The following PLXDC2 variants were observed in gnomAD, a reference collection of about 807,000 sequenced individuals.
PLXDC2 encodes the protein plexin domain containing 2.
PLXDC2 carries 40 observed loss-of-function variants against 68.9 expected under a neutral mutation model. That is an observed-to-expected ratio of 0.58 (90% CI 0.45 to 0.76). PLXDC2 has a LOEUF of 0.76. Ranked by LOEUF, PLXDC2 falls within the 30% of genes least tolerant of loss-of-function variation. PLXDC2 has a pLI of 0.00. For synonymous variants in PLXDC2, 243 were observed against 234.2 expected, an observed-to-expected ratio of 1.04 and a Z score of -0.34; for missense variants, 644 against 661.9, an observed-to-expected ratio of 0.97 and a Z score of 0.30.
intron 3 of PLXDC2, among the ~76,000 whole-genome samples, chr10:20,051,805 T>C (rs1835906664): frequency 6.6e-6 from 1 of 151,994 alleles, no homozygotes; most frequent in African/African-American, 2.4e-5. Context: ...ATGCTTGGAC[T>C]CTATAGCAGG....
intron 2 of PLXDC2, among the ~76,000 whole-genome samples, chr10:20,006,152 C>G (rs1835025456): frequency 6.6e-6 from 1 of 151,886 alleles, no homozygotes; most frequent in Non-Finnish European, 1.5e-5. Flanking sequence ...GTACTCCAAC[C>G]TGGGCAACAG....
intron 5 of PLXDC2, among the ~76,000 whole-genome samples, chr10:20,144,838 C>G (rs1834052184): frequency 6.6e-6 from 1 of 152,118 alleles, no homozygotes; most frequent in South Asian, 2.1e-4. Flanking sequence ...ATTCTAATGA[C>G]CAAGTTTTTA....
At chr10:20,199,881 G>C (rs1347101145) in intron 9 of PLXDC2, among the ~76,000 whole-genome samples, 1 of 151,862 alleles carries the variant, frequency 6.6e-6, no homozygotes, top group African/African-American at 2.4e-5. Flanking sequence ...GAGAATGTTA[G>C]TCATCTATTT....
chr10:19,988,027 C>G (rs908524617), intron 1 of PLXDC2, among the ~76,000 whole-genome samples: 1 of 152,140 alleles, frequency 6.6e-6, no homozygotes, highest in African/African-American at 2.4e-5. Flanking sequence ...AATAATTACA[C>G]TTTTTCTTCT....
chr10:20,141,433 C>G (rs577643323), intron 4 of PLXDC2, among the ~76,000 whole-genome samples: 1 of 152,130 alleles, frequency 6.6e-6, no homozygotes, highest in South Asian at 2.1e-4. Flanking sequence ...AATTATCTTC[C>G]TTCCTTGAAT....
intron 1 of PLXDC2, among the ~76,000 whole-genome samples, chr10:19,938,149 T>C (rs1443128488): frequency 6.6e-6 from 1 of 152,156 alleles, no homozygotes; most frequent in Non-Finnish European, 1.5e-5. Context: ...TATCTTACCT[T>C]GGCATAATTT....
intron 4 of PLXDC2, among the ~76,000 whole-genome samples, chr10:20,119,140 C>T (rs1311421298): frequency 2.0e-5 from 3 of 151,908 alleles, no homozygotes; most frequent in Non-Finnish European, 2.9e-5. Context: ...AATCAAGTAA[C>T]GAACATGTAA....
At chr10:20,126,169 A>T (rs1833772658) in intron 4 of PLXDC2, among the ~76,000 whole-genome samples, 1 of 147,286 alleles carries the variant, frequency 6.8e-6, no homozygotes, top group African/African-American at 2.5e-5. Context: ...GTATGTATCT[A>T]TACATATATG....
At chr10:20,027,394 A>T (rs1835422837) in intron 2 of PLXDC2, among the ~76,000 whole-genome samples, 1 of 152,126 alleles carries the variant, frequency 6.6e-6, no homozygotes, top group African/African-American at 2.4e-5. Flanking sequence ...GTGAGGGTAC[A>T]GTGTTTGTTC....
chr10:19,935,308 A>G (rs1255189736), intron 1 of PLXDC2, among the ~76,000 whole-genome samples: 1 of 152,226 alleles, frequency 6.6e-6, no homozygotes, highest in East Asian at 1.9e-4. Context: ...AGGCACAGCC[A>G]GGCATTGCCC....
At chr10:19,962,996 A>G (rs1407393506) in intron 1 of PLXDC2, among the ~76,000 whole-genome samples, 1 of 150,514 alleles carries the variant, frequency 6.6e-6, no homozygotes, top group Non-Finnish European at 1.5e-5. Context: ...TCTCAAAAAA[A>G]AAAAAAAAAA....
chr10:20,104,712 C>T (rs1833467436), intron 4 of PLXDC2, among the ~76,000 whole-genome samples: 1 of 152,056 alleles, frequency 6.6e-6, no homozygotes, highest in African/African-American at 2.4e-5. Flanking sequence ...ACATTTTCAG[C>T]AGTAATCTCT....
intron 1 of PLXDC2, among the ~76,000 whole-genome samples, chr10:19,982,806 C>T (rs931457082): frequency 6.6e-6 from 1 of 151,994 alleles, no homozygotes; most frequent in Non-Finnish European, 1.5e-5. Flanking sequence ...AACTAAATAA[C>T]CTTCATTCTT....
chr10:20,205,069 A>G (rs1834973045), intron 9 of PLXDC2, among the ~76,000 whole-genome samples: 1 of 152,280 alleles, frequency 6.6e-6, no homozygotes, highest in East Asian at 1.9e-4. Flanking sequence ...CCCTTGCAAA[A>G]TAATTCCTAT....
At chr10:19,925,428 T>G (rs796743146) in intron 1 of PLXDC2, among the ~76,000 whole-genome samples, 7 of 152,354 alleles carry the variant, frequency 4.6e-5, no homozygotes, top group African/African-American at 1.7e-4. Flanking sequence ...TGGAGAGGCT[T>G]TTGATCTGCT....
intron 1 of PLXDC2, among the ~76,000 whole-genome samples, chr10:19,823,918 G>A (rs1836526585): frequency 6.6e-6 from 1 of 152,114 alleles, no homozygotes; most frequent in African/African-American, 2.4e-5. Flanking sequence ...TGAGGTGGGA[G>A]GATCACTTGA....
At chr10:20,210,839 A>G (rs1220970063) in intron 9 of PLXDC2, among the ~76,000 whole-genome samples, 1 of 152,202 alleles carries the variant, frequency 6.6e-6, no homozygotes, top group Non-Finnish European at 1.5e-5. Context: ...ATAATACACA[A>G]CAAGTACTGC....
intron 3 of PLXDC2, among the ~76,000 whole-genome samples, chr10:20,052,758 GA>G (rs1835927498): frequency 7.2e-6 from 1 of 139,250 alleles, no homozygotes; most frequent in Admixed American, 7.0e-5. Flanking sequence ...AAGAAAAAAA[GA>G]AAAGAAAGAT....
At chr10:19,933,268 T>C (rs562952672) in intron 1 of PLXDC2, among the ~76,000 whole-genome samples, 1 of 152,324 alleles carries the variant, frequency 6.6e-6, no homozygotes, top group South Asian at 2.1e-4. Context: ...GCCTAGATCA[T>C]TTACTGTGGA....
Sources: allele counts gnomAD v4.1 joint callset (sites outside exome capture counted in the v4.1 genomes callset), GRCh38; gene constraint gnomAD v4.1.1; transcripts MANE v1.5; gene names NCBI Gene and HGNC (gene_info 2026-07-23, HGNC 2026-07-21).